Variants in NUDCD3 observed in about 807,000 individuals in gnomAD.
The protein encoded by NUDCD3 is NudC domain containing 3, also known as nudC domain-containing protein 3.
In NUDCD3, 13 loss-of-function variants were observed where a neutral mutation model predicts 39.7. That is an observed-to-expected ratio of 0.33 (90% CI 0.21 to 0.52). The LOEUF is 0.52. Ranked by LOEUF, NUDCD3 falls within the 20% of genes least tolerant of loss-of-function variation. The pLI is 0.96. For missense variants in NUDCD3, 453 were observed against 458.1 expected (o/e 0.99, Z 0.10); for synonymous variants, 175 against 172.4 (o/e 1.02, Z -0.12).
intron 2 of NUDCD3, among the ~76,000 whole-genome samples, chr7:44,445,276 A>C (rs1238407780): frequency 6.6e-6 from 1 of 152,188 alleles, no homozygotes; most frequent in Non-Finnish European, 1.5e-5. Flanking sequence ...TAACTTTCTG[A>C]CAAATCTGAG....
intron 1 of NUDCD3, among the ~76,000 whole-genome samples, chr7:44,488,465 G>A (rs1006063045): frequency 6.6e-6 from 1 of 151,936 alleles, no homozygotes; most frequent in Non-Finnish European, 1.5e-5. Context: ...TGGTTTCTGT[G>A]AAACTTATTG....
At chr7:44,396,558 C>A (rs770032003) in intron 4 of NUDCD3, among the ~76,000 whole-genome samples, 31 of 152,154 alleles carry the variant, frequency 2.0e-4, no homozygotes, top group Non-Finnish European at 3.8e-4. Flanking sequence ...AGCTGCAGAT[C>A]CCCATTCCTT....
chr7:44,466,288 C>T (rs915255041), intron 2 of NUDCD3, among the ~76,000 whole-genome samples: 1 of 152,218 alleles, frequency 6.6e-6, no homozygotes, highest in Non-Finnish European at 1.5e-5. Context: ...GAGGACACTG[C>T]CAACCCACTC....
At chr7:44,463,102 T>C (rs1800049406) in intron 2 of NUDCD3, among the ~76,000 whole-genome samples, 1 of 152,118 alleles carries the variant, frequency 6.6e-6, no homozygotes, top group African/African-American at 2.4e-5. Context: ...AGGCTACACA[T>C]GCAGCCTGGG....
chr7:44,426,855 G>A (rs1215050819), intron 3 of NUDCD3, among the ~76,000 whole-genome samples: 1 of 152,000 alleles, frequency 6.6e-6, no homozygotes, highest in Non-Finnish European at 1.5e-5. Flanking sequence ...GATGAGGTGG[G>A]CCTGTCCCTC....
At position 44,394,866 on chromosome 7, in the gene NUDCD3, C is replaced by A. The variant is rs114798848; in HGVS notation, c.787-2381G>T. Among the ~76,000 whole-genome samples the A allele has an allele frequency of 1.3e-3, 193 of 152,304 alleles. 1 individual carries two copies. Among genetic ancestry groups the A allele is most frequent in the African/African-American group, 4.4e-3 (184 of 41,562 alleles). ...CCACAGACCCCAACACAGGGTTTCA[C>A]TGGCCAGGTCCAAACACACACCCAG... On this transcript the variant is annotated intron_variant, in intron 4 of 5. Transcript: ENST00000355451.
intron 4 of NUDCD3, among the ~76,000 whole-genome samples, chr7:44,394,548 C>A (rs944273855): frequency 1.3e-5 from 2 of 152,192 alleles, no homozygotes; most frequent in African/African-American, 4.8e-5. Flanking sequence ...AGATCCTTTA[C>A]GAATTTTTTA....
At chr7:44,488,012 C>T (rs1317144126) in intron 1 of NUDCD3, among the ~76,000 whole-genome samples, 1 of 151,594 alleles carries the variant, frequency 6.6e-6, no homozygotes, top group Admixed American at 6.6e-5. Flanking sequence ...CCCTGATCTA[C>T]CCAACCAAAA....
At chr7:44,432,911 G>C (rs1799391383) in intron 2 of NUDCD3, among the ~76,000 whole-genome samples, 1 of 152,186 alleles carries the variant, frequency 6.6e-6, no homozygotes, top group Non-Finnish European at 1.5e-5. Context: ...GCTAGGGTCT[G>C]AAATGTTTGT....
chr7:44,385,684 G>A lies in NUDCD3; in HGVS notation c.*327C>T, dbSNP rs1419360224. 3.0e-6 allele frequency: 1 copy of A among 337,096 alleles called. No individual in the cohort carries two copies. Among genetic ancestry groups the A allele is most frequent in the Non-Finnish European group, 5.5e-6 (1 of 183,216 alleles). The allele number at this position is 337,096 out of a possible 1,614,324, so 20.9% of individuals were successfully genotyped here. ...CAAAACAACAGCAAGCAGAGAGCAG[G>A]GGAGGAAAGACATGCTGCCTGCAGT... On this transcript the variant is annotated 3_prime_UTR_variant, in exon 6 of 6. Coordinates refer to ENST00000355451, the MANE Select transcript of NUDCD3 (RefSeq NM_015332.4).
intron 5 of NUDCD3, among the ~76,000 whole-genome samples, chr7:44,391,398 C>T (rs563735974): frequency 2.2e-4 from 33 of 152,258 alleles, no homozygotes; most frequent in African/African-American, 7.9e-4. Context: ...GAACCACCTA[C>T]GATGTATTAA....
intron 2 of NUDCD3, among the ~76,000 whole-genome samples, chr7:44,483,086 G>GTA (rs745702455): frequency 3.9e-5 from 6 of 152,014 alleles, no homozygotes; most frequent in Non-Finnish European, 5.9e-5. Flanking sequence ...GTGTGTGTGT[G>GTA]TATGTGTGTG....
At chr7:44,449,581 G>A (rs1301111568) in intron 2 of NUDCD3, among the ~76,000 whole-genome samples, 12 of 152,164 alleles carry the variant, frequency 7.9e-5, no homozygotes. Context: ...CAAAGAAGCA[G>A]AAGGAAAGGG....
chr7:44,458,979 T>TGTGG (rs1554493970), intron 2 of NUDCD3, among the ~76,000 whole-genome samples: 5 of 129,466 alleles, frequency 3.9e-5, no homozygotes, highest in Non-Finnish European at 1.7e-5. Context: ...TGTGTGTGTG[T>TGTGG]GGTGATGTGT....
rs371224526 is a variant in NUDCD3, at chr7:44,384,604, A to C, written c.*1407T>G. ...TCTCCAAGAGAGCCCCCACAACCCA[A>C]GTATCCATAGAGAGTGTGCAGGAGC... On this transcript the variant is annotated 3_prime_UTR_variant, in exon 6 of 6. Transcript: ENST00000355451. 6 of 152,230 alleles carry C rather than the reference A, an allele frequency of 3.9e-5. No homozygotes were observed. The highest frequency in any genetic ancestry group is 1.4e-4 in the African/African-American group (6 of 41,468). The allele number at this position is 152,230 out of a possible 1,614,324, so 9.4% of individuals were successfully genotyped here. A position where few individuals can be genotyped will look rare whatever the true frequency, so the allele number is the denominator to read the frequency against.
At chr7:44,426,838 AC>A (rs1477482223) in intron 3 of NUDCD3, among the ~76,000 whole-genome samples, 1 of 149,700 alleles carries the variant, frequency 6.7e-6, no homozygotes, top group Non-Finnish European at 1.5e-5. Context: ...GCAAGTGGGG[AC>A]GCTGGGATGA....
Position 44,385,788 on chromosome 7 carries a change from C to CA in NUDCD3, c.*222dup, listed in dbSNP as rs1255969199. ...CTCCTGCATTTCAAACACCTTCACT[C>CA]AGTGTCAGCCACAGCGGCCACCACA... On this transcript the variant is annotated 3_prime_UTR_variant, in exon 6 of 6. Transcript: ENST00000355451. 1.9e-6 allele frequency: 1 copy of CA among 539,340 alleles called. No individual in the cohort carries two copies. The highest frequency in any genetic ancestry group is 1.9e-5 in the African/African-American group (1 of 52,444). 33.4% of individuals were successfully genotyped at this position (539,340 alleles called of 1,614,324 possible).
intron 3 of NUDCD3, among the ~76,000 whole-genome samples, chr7:44,411,098 AG>A (rs1304294837): frequency 6.6e-6 from 1 of 152,268 alleles, no homozygotes; most frequent in Admixed American, 6.5e-5. Flanking sequence ...CACATGCAAA[AG>A]AATGAAACTG....
chr7:44,414,861 C>T lies in NUDCD3; in HGVS notation c.643-10278G>A, dbSNP rs189976874. Among the ~76,000 whole-genome samples, 7 of 152,290 alleles carry T rather than the reference C, an allele frequency of 4.6e-5. No individual in the cohort carries two copies. The East Asian group carries it at 7.7e-4, about 17-fold the overall frequency. ...CAAGCTCACAGGCAAGGCCTCACTA[C>T]GAATCTAAGCCTGGGGATCAGTTAG... On this transcript the variant is annotated intron_variant, in intron 3 of 5. Coordinates refer to ENST00000355451, the MANE Select transcript of NUDCD3 (RefSeq NM_015332.4).
Sources: gnomAD v4.1 joint callset for allele counts (sites outside exome capture counted in the v4.1 genomes callset) on GRCh38, gnomAD v4.1.1 for gene constraint, MANE v1.5 for transcripts, NCBI Gene and HGNC (gene_info 2026-07-23, HGNC 2026-07-21) for gene names.